Variants in GNG4 observed in about 807,000 individuals in gnomAD.
GNG4 encodes guanine nucleotide-binding protein G(I)/G(S)/G(O) subunit gamma-4.
GNG4 carries 4 observed loss-of-function variants against 5.8 expected under a neutral mutation model. The ratio of observed to expected loss-of-function variants is 0.69; its 90% CI spans 0.34 to 1.57. GNG4 has a LOEUF of 1.57. Ranked by LOEUF, GNG4 falls within the 40% of genes most tolerant of loss-of-function variation. The pLI, the probability that GNG4 is intolerant of heterozygous loss-of-function variation, is 0.06. For synonymous variants in GNG4, 29 were observed against 32.9 expected, an observed-to-expected ratio of 0.88 and a Z score of 0.41; for missense variants, 96 against 95.1, an observed-to-expected ratio of 1.01 and a Z score of -0.04.
Position 235,551,003 on chromosome 1 carries a change from A to G in GNG4, c.*1106T>C, listed in dbSNP as rs1686730320. ...TGCTGTGTCCAGAACAGGTCCTTAT[A>G]TTACTGCAGCCCACAATGGAACTAC... On this transcript the variant is annotated 3_prime_UTR_variant, in exon 4 of 4. Transcript: ENST00000391854. 1 of 152,216 alleles carries G rather than the reference A, an allele frequency of 6.6e-6. No homozygotes were observed. The highest frequency in any genetic ancestry group is 2.1e-4 in the South Asian group (1 of 4,814). 9.4% of individuals were successfully genotyped at this position (152,216 alleles called of 1,614,324 possible).
intron 3 of GNG4, among the ~76,000 whole-genome samples, chr1:235,564,544 C>T (rs1469361266): frequency 2.6e-5 from 4 of 152,190 alleles, no homozygotes; most frequent in Non-Finnish European, 5.9e-5. Context: ...TATTTATACT[C>T]TCCTCTCTTC....
chr1:235,638,308 C>T (rs1243456796), intron 1 of GNG4, among the ~76,000 whole-genome samples: 1 of 152,084 alleles, frequency 6.6e-6, no homozygotes, highest in Non-Finnish European at 1.5e-5. Flanking sequence ...TGGCTTAAAA[C>T]AATGCAGTTT....
intron 3 of GNG4, among the ~76,000 whole-genome samples, chr1:235,579,617 G>A (rs1169834655): frequency 1.3e-5 from 2 of 151,812 alleles, no homozygotes; most frequent in Non-Finnish European, 1.5e-5. Flanking sequence ...TAGAGAGGCC[G>A]AGACAGGCAG....
intron 3 of GNG4, among the ~76,000 whole-genome samples, chr1:235,564,186 C>A (rs1017179266): frequency 6.6e-6 from 1 of 152,080 alleles, no homozygotes; most frequent in Non-Finnish European, 1.5e-5. Context: ...AAATGCCACA[C>A]GTTCTCATTT....
rs1686758147 is a variant in GNG4, at chr1:235,551,830, A to C, written c.*279T>G. 1 of 220,822 alleles carries C rather than the reference A, an allele frequency of 4.5e-6. No individual in the cohort carries two copies. Among genetic ancestry groups the C allele is most frequent in the African/African-American group, 2.3e-5 (1 of 43,766 alleles). The allele number at this position is 220,822 out of a possible 1,614,324, so 13.7% of individuals were successfully genotyped here. A position where few individuals can be genotyped will look rare whatever the true frequency, so the allele number is the denominator to read the frequency against. On this transcript the variant is annotated 3_prime_UTR_variant, in exon 4 of 4. Transcript: ENST00000391854. Reference sequence around the variant, plus strand: ...TTGGAAACTGATGTTTAAAAATTTTAAACTCTTAAGTCCAGACTTACTTTT... The same window carrying C: ...TTGGAAACTGATGTTTAAAAATTTTCAACTCTTAAGTCCAGACTTACTTTT...
intron 1 of GNG4, among the ~76,000 whole-genome samples, chr1:235,638,525 A>G (rs10754709): frequency 0.53 from 79,782 of 150,702 alleles, 23,520 homozygotes; most frequent in East Asian, 0.85. Context: ...TCTGGGATAC[A>G]TGTGCAGAAC....
At chr1:235,620,591 A>G (rs1688689256) in intron 1 of GNG4, among the ~76,000 whole-genome samples, 1 of 151,810 alleles carries the variant, frequency 6.6e-6, no homozygotes, top group Admixed American at 6.6e-5. Context: ...ACTGGAGTGC[A>G]GTGGCGTGAT....
intron 1 of GNG4, among the ~76,000 whole-genome samples, chr1:235,609,296 G>A (rs1370009966): frequency 6.6e-6 from 1 of 151,964 alleles, no homozygotes; most frequent in Non-Finnish European, 1.5e-5. Context: ...TCCATCTTTT[G>A]GCTATTGTGA....
At chr1:235,596,321 T>A (rs1286261620) in intron 1 of GNG4, among the ~76,000 whole-genome samples, 1 of 150,566 alleles carries the variant, frequency 6.6e-6, no homozygotes, top group Non-Finnish European at 1.5e-5. Flanking sequence ...GCAGATCAAC[T>A]GAGGTGGGAA....
rs527740870 is a variant in GNG4 at position 235,628,777 on chromosome 1, G to A, written c.-123+20885C>T. On this transcript the variant is annotated intron_variant, in intron 1 of 3. Transcript: ENST00000391854. The stretch of plus-strand genomic sequence containing the variant: ...TCACTTTGATCCGCAGGTGCTAGGT[G>A]GTGGCCCTTTTTAAAGACAGCTTCC... Among the ~76,000 whole-genome samples, 7 of 152,284 alleles carry A rather than the reference G, an allele frequency of 4.6e-5. No homozygotes were observed. In the East Asian group the frequency reaches 5.8e-4, roughly 13 times the overall value.
chr1:235,637,745 G>C (rs1167024053), intron 1 of GNG4, among the ~76,000 whole-genome samples: 1 of 152,262 alleles, frequency 6.6e-6, no homozygotes, highest in East Asian at 1.9e-4. Context: ...GATGCATAAG[G>C]ATGCTGCGGG....
chr1:235,576,255 G>A (rs971299059), intron 3 of GNG4, among the ~76,000 whole-genome samples: 1 of 151,646 alleles, frequency 6.6e-6, no homozygotes, highest in African/African-American at 2.4e-5. Flanking sequence ...AGTAGGGAGG[G>A]GTTTCACCAT....
intron 1 of GNG4, among the ~76,000 whole-genome samples, chr1:235,608,899 A>G (rs1688419246): frequency 6.6e-6 from 1 of 151,904 alleles, no homozygotes; most frequent in Admixed American, 6.6e-5. Flanking sequence ...GGCCAGGCTG[A>G]TCTGGAGCTC....
chr1:235,586,477 C>G (rs915326718), intron 2 of GNG4, among the ~76,000 whole-genome samples: 3 of 152,024 alleles, frequency 2.0e-5, no homozygotes. Flanking sequence ...CCAGCTGATG[C>G]AATGAAAAAA....
chr1:235,609,123 G>A (rs1688424316), intron 1 of GNG4, among the ~76,000 whole-genome samples: 1 of 152,096 alleles, frequency 6.6e-6, no homozygotes, highest in African/African-American at 2.4e-5. Flanking sequence ...ATGAGCCACC[G>A]CACCTGGCCA....
chr1:235,595,022 C>G (rs1298082792), intron 2 of GNG4, among the ~76,000 whole-genome samples: 2 of 152,204 alleles, frequency 1.3e-5, no homozygotes, highest in Non-Finnish European at 2.9e-5. Context: ...GACCTCCTTT[C>G]ATCCTTGCTG....
chr1:235,567,927 T>A (rs1013539897), intron 3 of GNG4, among the ~76,000 whole-genome samples: 1 of 152,004 alleles, frequency 6.6e-6, no homozygotes, highest in Non-Finnish European at 1.5e-5. Context: ...GGGTCCCAGG[T>A]TGGGGAGAAC....
At chr1:235,552,642 A>T (rs950210113) in intron 3 of GNG4, among the ~76,000 whole-genome samples, 1 of 152,250 alleles carries the variant, frequency 6.6e-6, no homozygotes, top group African/African-American at 2.4e-5. Flanking sequence ...TATTATCATT[A>T]TTAGTTGTTT....
rs143841483 is a variant in GNG4 at position 235,641,512 on chromosome 1, G to A, written c.-123+8150C>T. Among the ~76,000 whole-genome samples the A allele has an allele frequency of 3.9e-3, 597 of 152,296 alleles. 3 individuals carry two copies. Among genetic ancestry groups the A allele is most frequent in the African/African-American group, 0.014 (567 of 41,556 alleles). On this transcript the variant is annotated intron_variant, in intron 1 of 3. Transcript: ENST00000391854. ...TCTAGACCAGCCTGGCCAACATGGTGAAACCCTGTCTCTACTAAAAATACA... is the reference window on the plus strand; with the variant it reads ...TCTAGACCAGCCTGGCCAACATGGTAAAACCCTGTCTCTACTAAAAATACA...
Sources: gnomAD v4.1 joint callset for allele counts (sites outside exome capture counted in the v4.1 genomes callset) on GRCh38, gnomAD v4.1.1 for gene constraint, MANE v1.5 for transcripts, NCBI Gene and HGNC (gene_info 2026-07-23, HGNC 2026-07-21) for gene names.